Variants in ETFB observed in about 807,000 individuals in gnomAD.
The protein encoded by ETFB is electron transfer flavoprotein subunit beta.
A neutral mutation model predicts 25.6 loss-of-function variants in ETFB; 20 were observed. The observed-to-expected ratio is 0.78, with a 90% CI of 0.55 to 1.14. The LOEUF is 1.14. ETFB is among the 50% of genes most tolerant of loss of function. The pLI, the probability that ETFB is intolerant of heterozygous loss-of-function variation, is 0.00. For missense variants in ETFB, 286 were observed against 342.6 expected, an observed-to-expected ratio of 0.83 and a Z score of 1.30; for synonymous variants, 142 against 146.7, an observed-to-expected ratio of 0.97 and a Z score of 0.23.
At chr19:51,354,695 TGAG>T (rs1285272051) in intron 1 of ETFB, 7 of 1,598,394 alleles carry the variant, frequency 4.4e-6, no homozygotes, top group Non-Finnish European at 6.0e-6. Flanking sequence ...TAAATACAAA[TGAG>T]GAGAAGAAAA....
intron 5 of ETFB, chr19:51,346,686 C>T: frequency 1.7e-6 from 1 of 576,938 alleles, no homozygotes; most frequent in Non-Finnish European, 3.1e-6. Flanking sequence ...ACCAGCAAGC[C>T]CTCCCTGCTA....
chr19:51,351,608 G>A (rs1387243255), intron 3 of ETFB, among the ~76,000 whole-genome samples: 1 of 152,202 alleles, frequency 6.6e-6, no homozygotes, highest in Non-Finnish European at 1.5e-5. Flanking sequence ...CAGCACCTCG[G>A]CCTCTGCAGC....
intron 1 of ETFB, among the ~76,000 whole-genome samples, chr19:51,363,595 C>T (rs1357546248): frequency 6.6e-6 from 1 of 152,048 alleles, no homozygotes; most frequent in Non-Finnish European, 1.5e-5. Flanking sequence ...ACTACAGATA[C>T]GTGCCACCAT....
At chr19:51,351,633 GCC>G (rs1985935949) in intron 3 of ETFB, among the ~76,000 whole-genome samples, 2 of 152,220 alleles carry the variant, frequency 1.3e-5, no homozygotes, top group South Asian at 4.1e-4. Context: ...CCCAGGCCCT[GCC>G]TTTTTGGCCT....
At chr19:51,354,350 G>A in intron 1 of ETFB, 42 bp from the exon 2 acceptor site, 1 of 1,613,944 alleles carries the variant, frequency 6.2e-7, no homozygotes, top group Non-Finnish European at 8.5e-7. Flanking sequence ...GGAGGAAACA[G>A]GCAAGAAGGT....
intron 1 of ETFB, among the ~76,000 whole-genome samples, chr19:51,363,543 G>C (rs1028539678): frequency 2.6e-5 from 4 of 152,100 alleles, no homozygotes; most frequent in Non-Finnish European, 4.4e-5. Flanking sequence ...CTGCCTCCCA[G>C]GTTCAAGCGA....
chr19:51,365,725 C>T (rs1986343167), intron 1 of ETFB, among the ~76,000 whole-genome samples: 1 of 152,196 alleles, frequency 6.6e-6, no homozygotes, highest in African/African-American at 2.4e-5. Flanking sequence ...TCATCTCTAG[C>T]AAACACACTT....
chr19:51,351,462 A>G lies in ETFB; in HGVS notation c.376-1071T>C, dbSNP rs148065763. Among the ~76,000 whole-genome samples the G allele has an allele frequency of 2.2e-3, 332 of 152,356 alleles. 2 individuals carry two copies. The highest frequency in any genetic ancestry group is 7.7e-3 in the African/African-American group (321 of 41,596). ...TGTGAATCTGCTTCCTAGAACAAAC[A>G]GCATCCTGACCAGTTCATCCGGCAT... On this transcript the variant is annotated intron_variant, in intron 3 of 5. Coordinates refer to ENST00000309244, the MANE Select transcript of ETFB (RefSeq NM_001985.3).
intron 1 of ETFB, chr19:51,355,003 C>T (rs1986042863): frequency 7.0e-6 from 2 of 287,136 alleles, no homozygotes; most frequent in South Asian, 7.7e-5. Context: ...TAAAGACGTA[C>T]CCACAACTAC....
In ETFB at chr19:51,347,379, G is replaced by A. The variant is rs3786628; in HGVS notation, c.439-321C>T. On this transcript the variant is annotated intron_variant, in intron 4 of 5. Transcript: ENST00000309244. The stretch of plus-strand genomic sequence containing the variant: ...TGATGTATCAAGTCATCGAATCCTC[G>A]CAGGAACTTTATGAGGTAAATGTTA... 0.097 allele frequency: 27,428 copies of A among 283,390 alleles called. 1,510 individuals are homozygous for A. The highest frequency in any genetic ancestry group is 0.16 in the Middle Eastern group (142 of 900). The allele number at this position is 283,390 out of a possible 1,614,324, so 17.6% of individuals were successfully genotyped here.
In ETFB at chr19:51,362,124, C is replaced by T. The variant is rs535199783; in HGVS notation, c.57+4146G>A. 1.0e-4 allele frequency among the ~76,000 whole-genome samples: 15 copies of T among 150,660 alleles called. 1 individual carries two copies. The South Asian group carries it at 1.5e-3, about 15-fold the overall frequency. On this transcript the variant is annotated intron_variant, in intron 1 of 5. Coordinates refer to ENST00000309244, the MANE Select transcript of ETFB (RefSeq NM_001985.3). ...AATACCTATTAAAATGTTAGATACACGCACATACCCAGAAACATACACACA... is the reference window on the plus strand; with the variant it reads ...AATACCTATTAAAATGTTAGATACATGCACATACCCAGAAACATACACACA...
chr19:51,354,053 C>T, intron 2 of ETFB, 97 bp downstream of exon 2: 4 of 1,442,004 alleles, frequency 2.8e-6, no homozygotes, highest in Non-Finnish European at 3.8e-6. Context: ...GGGGTCCAGA[C>T]TTCCAGCCTC....
In ETFB at chr19:51,354,450, C is replaced by T. The variant is rs1862495; in HGVS notation, c.58-142G>A. 3.1e-3 allele frequency: 5,081 copies of T among 1,613,972 alleles called. 86 individuals carry two copies. In the African/African-American group the frequency reaches 0.049, roughly 16 times the overall value. On this transcript the variant is annotated intron_variant, in intron 1 of 5. Transcript: ENST00000309244. ...GGCCTTGTCCGGGGTCACACAGCTC[C>T]AGGGACAGAACTGGGTTAGAGTTTG...
Position 51,354,360 on chromosome 19 carries a change from T to TC in ETFB, c.58-53_58-52insG, listed in dbSNP as rs141529162. The TC allele has an allele frequency of 4.3e-6, 7 of 1,613,790 alleles. No homozygotes were observed. The highest frequency in any genetic ancestry group is 2.7e-5 in the African/African-American group (2 of 74,836). ...GGTCAGGAGGAAACAGGCAAGAAGG[T>TC]GGGGGCCTCAGCGCCAACCCTCTCC... On this transcript the variant is annotated intron_variant, in intron 1 of 5. Coordinates refer to ENST00000309244, the MANE Select transcript of ETFB (RefSeq NM_001985.3).
In ETFB at chr19:51,353,352, C is replaced by T. The variant is rs570096935; in HGVS notation, c.217-62G>A. On this transcript the variant is annotated intron_variant, in intron 2 of 5. Coordinates refer to ENST00000309244, the MANE Select transcript of ETFB (RefSeq NM_001985.3). ...CTCAGGGGGACCTAGGAGTCTGGCT[C>T]GCAGCCCCTCCTTCCTCAGACCCAG... 7 of 1,594,324 alleles carry T rather than the reference C, an allele frequency of 4.4e-6. No individual in the cohort carries two copies. The Admixed American group carries it at 6.7e-5, about 15-fold the overall frequency.
At chr19:51,365,296 C>T (rs1986329207) in intron 1 of ETFB, 1 of 152,260 alleles carries the variant, frequency 6.6e-6, no homozygotes, top group African/African-American at 2.4e-5. Flanking sequence ...CGTAAGTACC[C>T]GCTAAATGCT....
In ETFB at chr19:51,347,045, G is replaced by A. The variant is rs74735908; in HGVS notation, c.452C>T (p.Ser151Phe). The A allele has an allele frequency of 2.1e-4, 342 of 1,614,022 alleles. No homozygotes were observed. The East Asian group carries it at 6.8e-3, about 32-fold the overall frequency. The change falls in exon 5 of 6, where the codon TCC (serine) becomes TTC (phenylalanine). Residue 151 changes from serine (S) to phenylalanine (F), a missense_variant. By Grantham distance (155) the Ser-to-Phe change is radical. Coordinates refer to ENST00000309244, the MANE Select transcript of ETFB (RefSeq NM_001985.3). ...FLDWPQGTFA[S>F]QVTLEGDKLK... ...CTTGTCCCCCTCCAGCGTCACCTGGGAGGCGAATGTGCCCTGGGGAGGGAC... is the reference window on the plus strand; with the variant it reads ...CTTGTCCCCCTCCAGCGTCACCTGGAAGGCGAATGTGCCCTGGGGAGGGAC...
Position 51,354,200 on chromosome 19 carries a change from T to G in ETFB, c.166A>C (p.Lys56Gln), listed in dbSNP as rs757088247. 1.7e-5 allele frequency: 27 copies of G among 1,614,052 alleles called. No individual in the cohort carries two copies. Among genetic ancestry groups the G allele is most frequent in the Middle Eastern group, 1.6e-4 (1 of 6,062 alleles). ...ACGGCGATGACCTCCTTCACCAGCT[T>G]CTTCTCCTTGAGCCGCACAGCCTCC... ...VEEAVRLKEK[K>Q]LVKEVIAVSC... Residue 56 changes from lysine (K) to glutamine (Q), a missense_variant, in exon 2 of 6, where the codon AAG (lysine) becomes CAG (glutamine). Coordinates refer to ENST00000309244, the MANE Select transcript of ETFB (RefSeq NM_001985.3).
At chr19:51,358,167 C>T (rs920579102) in intron 1 of ETFB, among the ~76,000 whole-genome samples, 1 of 152,204 alleles carries the variant, frequency 6.6e-6, no homozygotes, top group Non-Finnish European at 1.5e-5. Context: ...GGCCGCCACC[C>T]AGGGCTTGGC....
Sources: gnomAD v4.1 joint callset for allele counts (sites outside exome capture counted in the v4.1 genomes callset) on GRCh38, gnomAD v4.1.1 for gene constraint, MANE v1.5 for transcripts, NCBI Gene and HGNC (gene_info 2026-07-23, HGNC 2026-07-21) for gene names.